FRMD4A: variants seen among roughly 807,000 people sequenced by gnomAD.
FRMD4A encodes FERM domain-containing protein 4A.
A neutral mutation model predicts 129.1 loss-of-function variants in FRMD4A; 29 were observed. The observed-to-expected ratio is 0.22, with a 90% confidence interval of 0.17 to 0.31. FRMD4A has a LOEUF of 0.31. FRMD4A is among the 10% of genes least tolerant of loss of function. The probability of loss-of-function intolerance (pLI) is 1.00; values close to 1 mark genes in which losing one functional copy is unlikely to be tolerated. For synonymous variants in FRMD4A, 634 were observed against 571.6 expected, an observed-to-expected ratio of 1.11 and a Z score of -1.56; for missense variants, 1,272 against 1,375.8, an observed-to-expected ratio of 0.92 and a Z score of 1.19.
At chr10:13,670,254 C>T in intron 17 of FRMD4A, 152 bp downstream of exon 17, 1 of 702,662 alleles carries the variant, frequency 1.4e-6, no homozygotes, top group Non-Finnish European at 2.4e-6. Flanking sequence ...GAACCACATA[C>T]TGACCGGCCA....
At chr10:14,222,479 G>T (rs1232266770) in intron 2 of FRMD4A, among the ~76,000 whole-genome samples, 42 of 152,126 alleles carry the variant, frequency 2.8e-4, no homozygotes, top group Admixed American at 2.8e-3. Flanking sequence ...TGAGAAACTT[G>T]ACTTGATTAG....
intron 2 of FRMD4A, among the ~76,000 whole-genome samples, chr10:14,075,344 C>T (rs777447598): frequency 3.2e-4 from 48 of 152,200 alleles, no homozygotes; most frequent in Non-Finnish European, 5.7e-4. Context: ...AAATGCTTGA[C>T]CTCCACAACC....
intron 15 of FRMD4A, chr10:13,684,264 G>T: frequency 2.1e-6 from 2 of 935,518 alleles, no homozygotes; most frequent in East Asian, 1.2e-4. Context: ...AGACAAAAAG[G>T]GCTGACCCTA....
chr10:13,750,181 A>G (rs2091544546), intron 8 of FRMD4A, among the ~76,000 whole-genome samples: 1 of 120,542 alleles, frequency 8.3e-6, no homozygotes, highest in African/African-American at 3.4e-5. Context: ...GACCATGACC[A>G]GTGGTGTTGG....
chr10:14,081,060 C>T (rs1835901404), intron 2 of FRMD4A, among the ~76,000 whole-genome samples: 1 of 151,942 alleles, frequency 6.6e-6, no homozygotes, highest in Non-Finnish European at 1.5e-5. Context: ...TAATAATAGC[C>T]CATAAATTAG....
chr10:13,686,560 A>T (rs193029517), intron 15 of FRMD4A, among the ~76,000 whole-genome samples: 1 of 152,218 alleles, frequency 6.6e-6, no homozygotes, highest in Non-Finnish European at 1.5e-5. Flanking sequence ...GTTTAGCACA[A>T]CCTGTTTTCT....
At chr10:13,758,354 C>A (rs912588184) in intron 8 of FRMD4A, among the ~76,000 whole-genome samples, 3 of 152,056 alleles carry the variant, frequency 2.0e-5, no homozygotes, top group Non-Finnish European at 4.4e-5. Flanking sequence ...TCTAGAAAAG[C>A]CTTTTCTAGG....
intron 2 of FRMD4A, chr10:14,007,951 CA>C: frequency 2.4e-6 from 3 of 1,230,110 alleles, no homozygotes; most frequent in Non-Finnish European, 3.2e-6. Flanking sequence ...CCAGGAACTC[CA>C]ACTGTTCAGG....
Position 13,657,531 on chromosome 10 carries a change from A to G in FRMD4A, c.2067-9T>C. On this transcript the variant is annotated splice_polypyrimidine_tract_variant and intron_variant, in intron 21 of 24. Transcript: ENST00000357447. ...GGCTGATGTCCACCGACCTGCCGGG[A>G]GACGACCCGGGTTGGTCTGGGGGTG... 6.5e-7 allele frequency: 1 copy of G among 1,537,088 alleles called. No homozygotes were observed. The highest frequency in any genetic ancestry group is 1.4e-5 in the African/African-American group (1 of 71,766).
At chr10:13,768,713 C>A (rs1007951585) in intron 6 of FRMD4A, among the ~76,000 whole-genome samples, 1 of 152,140 alleles carries the variant, frequency 6.6e-6, no homozygotes, top group Non-Finnish European at 1.5e-5. Flanking sequence ...ATATTCTGGT[C>A]TTAACCCCCC....
rs377419203 is a variant in FRMD4A, at chr10:13,666,345, G to A, written c.1375-20C>T. On this transcript the variant is annotated intron_variant, in intron 17 of 24. Coordinates refer to ENST00000357447, the MANE Select transcript of FRMD4A (RefSeq NM_018027.5). ...AGCTTCCTGTGGGAGGGAAAGCACC[G>A]GTTTGGGTTACTGGGGATGCTGAGC... 1.1e-4 allele frequency: 166 copies of A among 1,565,536 alleles called. 1 individual carries two copies. Among genetic ancestry groups the A allele is most frequent in the Middle Eastern group, 3.3e-4 (2 of 5,992 alleles).
At chr10:14,159,002 T>C (rs1487855986) in intron 2 of FRMD4A, among the ~76,000 whole-genome samples, 1 of 150,080 alleles carries the variant, frequency 6.7e-6, no homozygotes, top group African/African-American at 2.5e-5. Flanking sequence ...AAAAGGAGAG[T>C]ATATAAAGGC....
chr10:14,043,919 G>A (rs1833883731), intron 2 of FRMD4A, among the ~76,000 whole-genome samples: 1 of 152,218 alleles, frequency 6.6e-6, no homozygotes, highest in South Asian at 2.1e-4. Context: ...TTCGAACTGT[G>A]GGACTCAAGC....
chr10:13,987,238 A>G (rs2095584908), intron 2 of FRMD4A, among the ~76,000 whole-genome samples: 1 of 152,230 alleles, frequency 6.6e-6, no homozygotes, highest in East Asian at 1.9e-4. Flanking sequence ...TGGGATAGAA[A>G]CCCCAGCAGA....
intron 2 of FRMD4A, chr10:14,083,844 G>A (rs1246304018): frequency 5.3e-5 from 8 of 152,094 alleles, no homozygotes; most frequent in African/African-American, 1.7e-4. Flanking sequence ...CATCAATAAC[G>A]GGTAGACACC....
rs189411054 is a variant in FRMD4A at position 13,801,206 on chromosome 10, C to T, written c.207-4618G>A. On this transcript the variant is annotated intron_variant, in intron 4 of 24. Transcript: ENST00000357447. Reference sequence around the variant, plus strand: ...AGGTTGCAGTGAGCCGAGATTGCACCGCTGCACTTCAGCCTGACAACAGAG... The same window carrying T: ...AGGTTGCAGTGAGCCGAGATTGCACTGCTGCACTTCAGCCTGACAACAGAG... Among the ~76,000 whole-genome samples the T allele has an allele frequency of 2.7e-3, 410 of 152,240 alleles. 1 individual carries two copies. Among genetic ancestry groups the T allele is most frequent in the African/African-American group, 3.5e-3 (144 of 41,552 alleles).
At chr10:13,802,441 G>A (rs2093275223) in intron 4 of FRMD4A, among the ~76,000 whole-genome samples, 3 of 152,086 alleles carry the variant, frequency 2.0e-5, no homozygotes, top group African/African-American at 7.2e-5. Flanking sequence ...CAAAGCAAGA[G>A]ATGAAGTTCT....
chr10:14,071,288 T>G (rs887470082), intron 2 of FRMD4A, among the ~76,000 whole-genome samples: 2 of 152,200 alleles, frequency 1.3e-5, no homozygotes, highest in Non-Finnish European at 2.9e-5. Flanking sequence ...CAAGATTAAA[T>G]CAGGCTGGCA....
chr10:14,010,065 C>CT (rs2095675937), intron 2 of FRMD4A, among the ~76,000 whole-genome samples: 1 of 151,988 alleles, frequency 6.6e-6, no homozygotes, highest in Non-Finnish European at 1.5e-5. Context: ...TTTCAGAACA[C>CT]TTTATCTGTT....
Sources: gnomAD v4.1 joint callset for allele counts (sites outside exome capture counted in the v4.1 genomes callset) on GRCh38, gnomAD v4.1.1 for gene constraint, MANE v1.5 for transcripts, NCBI Gene and HGNC (gene_info 2026-07-23, HGNC 2026-07-21) for gene names.